Variants in DYRK1A observed in about 807,000 individuals in gnomAD.
DYRK1A encodes the protein dual specificity tyrosine phosphorylation regulated kinase 1A.
In DYRK1A, 9 loss-of-function variants were observed where a neutral mutation model predicts 79.7. That is an observed-to-expected ratio of 0.11 (90% CI 0.07 to 0.20). The LOEUF (loss-of-function observed/expected upper bound fraction) is 0.20, where lower values mean the gene tolerates loss of function less well. DYRK1A is among the 10% of genes least tolerant of loss of function. DYRK1A has a pLI of 1.00. For missense variants in DYRK1A, 622 were observed against 956.0 expected, an observed-to-expected ratio of 0.65 and a Z score of 4.61; for synonymous variants, 349 against 329.7, an observed-to-expected ratio of 1.06 and a Z score of -0.63.
chr21:37,394,237 T>C (rs1044611658), intron 1 of DYRK1A, among the ~76,000 whole-genome samples: 4 of 149,132 alleles, frequency 2.7e-5, no homozygotes, highest in African/African-American at 9.9e-5. Flanking sequence ...TTTTTTTTTT[T>C]TCTAATTTTT....
chr21:37,487,817 T>C (rs773640217), intron 6 of DYRK1A: 28 of 152,192 alleles, frequency 1.8e-4, no homozygotes, highest in Non-Finnish European at 3.4e-4. Context: ...ACTGATATAA[T>C]TCATAATAAT....
intron 1 of DYRK1A, among the ~76,000 whole-genome samples, chr21:37,378,895 G>A (rs2049601624): frequency 6.6e-6 from 1 of 152,168 alleles, no homozygotes; most frequent in Non-Finnish European, 1.5e-5. Flanking sequence ...TTGTGGAGAT[G>A]GGACTGGGTC....
chr21:37,503,027 C>T (rs1026489051), intron 9 of DYRK1A: 1 of 152,038 alleles, frequency 6.6e-6, no homozygotes, highest in African/African-American at 2.4e-5. Context: ...AATATTTTCC[C>T]CCTCTTCCCT....
rs76540764 is a variant in DYRK1A, at chr21:37,443,586, G to A, written c.10+23202G>A. ...GAGTCTTACTTCTGAGATTTTTTAG[G>A]TGGGACCAGTGCAGTGTTTAATGAT... On this transcript the variant is annotated intron_variant, in intron 2 of 11. Transcript: ENST00000647188. Among the ~76,000 whole-genome samples, 32 of 152,228 alleles carry A rather than the reference G, an allele frequency of 2.1e-4. No homozygotes were observed. In the East Asian group the frequency reaches 6.2e-3, roughly 29 times the overall value.
intron 1 of DYRK1A, among the ~76,000 whole-genome samples, chr21:37,397,843 A>G (rs1017491690): frequency 6.6e-6 from 1 of 152,092 alleles, no homozygotes; most frequent in African/African-American, 2.4e-5. Context: ...CAATCGCCTT[A>G]CATGTGAAAG....
At chr21:37,507,122 T>G (rs2053619780) in intron 11 of DYRK1A, among the ~76,000 whole-genome samples, 7 of 152,204 alleles carry the variant, frequency 4.6e-5, no homozygotes, top group Admixed American at 4.6e-4. Context: ...GAAAAGAGTC[T>G]TCAGACAGGA....
intron 2 of DYRK1A, among the ~76,000 whole-genome samples, chr21:37,472,234 G>T (rs1035609530): frequency 2.0e-5 from 3 of 152,180 alleles, no homozygotes; most frequent in African/African-American, 7.2e-5. Flanking sequence ...CCTGGTTTGG[G>T]GAATGCTGGC....
chr21:37,432,930 C>T (rs374304464), intron 2 of DYRK1A, among the ~76,000 whole-genome samples: 4 of 148,862 alleles, frequency 2.7e-5, no homozygotes, highest in East Asian at 2.0e-4. Context: ...GAGCCGAGAT[C>T]GCGCCATTGC....
chr21:37,446,679 T>A (rs2051283570), intron 2 of DYRK1A, among the ~76,000 whole-genome samples: 1 of 152,148 alleles, frequency 6.6e-6, no homozygotes, highest in South Asian at 2.1e-4. Context: ...GAGTGGCTTA[T>A]CATCCCAACT....
chr21:37,467,010 C>T (rs563698026), intron 2 of DYRK1A, among the ~76,000 whole-genome samples: 6 of 150,186 alleles, frequency 4.0e-5, no homozygotes, highest in African/African-American at 1.5e-4. Context: ...ACTTAACAGA[C>T]ACAGCAGAAA....
Position 37,525,487 on chromosome 21 carries a change from C to T in DYRK1A, c.*12956C>T, listed in dbSNP as rs1016145398. On this transcript the variant is annotated 3_prime_UTR_variant, in exon 12 of 12. Transcript: ENST00000647188. ...ACCTCCCACTGGGTCCTACCCATGACACGTGGGGATTATGGGGGCTACAAT... is the reference window on the plus strand; with the variant it reads ...ACCTCCCACTGGGTCCTACCCATGATACGTGGGGATTATGGGGGCTACAAT... The T allele has an allele frequency of 1.3e-5, 2 of 152,166 alleles. No homozygotes were observed. The highest frequency in any genetic ancestry group is 4.8e-5 in the African/African-American group (2 of 41,426). The allele number at this position is 152,166 out of a possible 1,614,324, so 9.4% of individuals were successfully genotyped here. A position where few individuals can be genotyped will look rare whatever the true frequency, so the allele number is the denominator to read the frequency against.
At chr21:37,400,839 G>T (rs2050039102) in intron 1 of DYRK1A, among the ~76,000 whole-genome samples, 1 of 152,108 alleles carries the variant, frequency 6.6e-6, no homozygotes, top group South Asian at 2.1e-4. Flanking sequence ...AAAGTTGCTT[G>T]GTTAAATCAA....
chr21:37,379,355 A>C (rs1021187896), intron 1 of DYRK1A, among the ~76,000 whole-genome samples: 1 of 152,234 alleles, frequency 6.6e-6, no homozygotes, highest in African/African-American at 2.4e-5. Flanking sequence ...TTTAATTTCC[A>C]ACAGACCAAA....
At chr21:37,446,603 G>A (rs2051280856) in intron 2 of DYRK1A, among the ~76,000 whole-genome samples, 1 of 148,922 alleles carries the variant, frequency 6.7e-6, no homozygotes, top group African/African-American at 2.5e-5. Flanking sequence ...TTTAATTTGA[G>A]TGGTGTTTCA....
intron 3 of DYRK1A, 35 bp downstream of exon 3, chr21:37,472,915 A>G (rs1229412459): frequency 7.1e-7 from 1 of 1,404,602 alleles, no homozygotes; most frequent in Non-Finnish European, 9.5e-7. Flanking sequence ...GACTATTGGA[A>G]TGGCAGTTTA....
chr21:37,369,113 TTTAG>T (rs373040071), intron 1 of DYRK1A, among the ~76,000 whole-genome samples: 5 of 152,344 alleles, frequency 3.3e-5, no homozygotes, highest in East Asian at 3.9e-4. Flanking sequence ...TAAAGTTATT[TTTAG>T]TTATTCTTTG....
At chr21:37,412,836 T>C (rs2050269044) in intron 1 of DYRK1A, among the ~76,000 whole-genome samples, 1 of 152,186 alleles carries the variant, frequency 6.6e-6, no homozygotes, top group South Asian at 2.1e-4. Flanking sequence ...GAGGCAGGGA[T>C]GTGGCACTGT....
intron 2 of DYRK1A, among the ~76,000 whole-genome samples, chr21:37,438,794 A>G (rs2051001314): frequency 6.6e-6 from 1 of 152,172 alleles, no homozygotes; most frequent in Admixed American, 6.6e-5. Context: ...AAGTTTTTAT[A>G]ACTACTCTAG....
intron 2 of DYRK1A, among the ~76,000 whole-genome samples, chr21:37,458,268 C>CTGTGTGTGTGTGTGTGTGTGTGTG (rs3138683): frequency 6.4e-4 from 83 of 130,580 alleles, no homozygotes; most frequent in Middle Eastern, 7.9e-3. Flanking sequence ...GGGTAATTTA[C>CTGTGTGTGTGTGTGTGTGTGTGTG]TGTGTGTGTG....
Sources: gnomAD v4.1 joint callset for allele counts (sites outside exome capture counted in the v4.1 genomes callset) on GRCh38, gnomAD v4.1.1 for gene constraint, MANE v1.5 for transcripts, NCBI Gene and HGNC (gene_info 2026-07-23, HGNC 2026-07-21) for gene names.